Variants in WDPCP observed in about 807,000 individuals in gnomAD.
The protein encoded by WDPCP is WD repeat containing planar cell polarity effector.
Under a neutral mutation model 93.1 loss-of-function variants are expected in WDPCP, and 71 were observed. The ratio of observed to expected loss-of-function variants is 0.76; its 90% CI spans 0.63 to 0.93. The LOEUF is 0.93. Among genes scored for constraint, WDPCP ranks in the 40% least tolerant of loss-of-function variants. WDPCP has a pLI of 0.00. For missense variants in WDPCP, 844 were observed against 887.4 expected, an observed-to-expected ratio of 0.95 and a Z score of 0.62; for synonymous variants, 315 against 315.0, an observed-to-expected ratio of 1.00 and a Z score of 0.00.
intron 1 of WDPCP, among the ~76,000 whole-genome samples, chr2:63,542,299 C>T (rs182666524): frequency 5.9e-5 from 9 of 152,022 alleles, no homozygotes; most frequent in African/African-American, 1.9e-4. Flanking sequence ...CAGATTTGGA[C>T]GAGAAAGTAT....
rs1257278044 is a variant in WDPCP at position 63,575,489 on chromosome 2, A to ACAGTATATACAGTGTATGTGCT, written c.75+12707_75+12708insAGCACATACACTGTATATACTG. Among the ~76,000 whole-genome samples the ACAGTATATACAGTGTATGTGCT allele has an allele frequency of 1.2e-4, 2 of 17,288 alleles. 1 individual carries two copies. The highest frequency in any genetic ancestry group is 2.5e-4 in the Non-Finnish European group (2 of 7,858). 11.3% of individuals were successfully genotyped at this position (17,288 alleles called of 152,430 possible). On this transcript the variant is annotated intron_variant, in intron 1 of 17. Coordinates refer to ENST00000272321, the MANE Select transcript of WDPCP (RefSeq NM_015910.7). Reference sequence around the variant, plus strand: ...TATGCAGTATATACAGTGTATATATAGTATATACAGTATATACACTGTATA... The same window carrying ACAGTATATACAGTGTATGTGCT: ...TATGCAGTATATACAGTGTATATATACAGTATATACAGTGTATGTGCTGTATATACAGTATATACACTGTATA...
chr2:63,693,268 A>G (rs1194003501), intron 2 of WDPCP, among the ~76,000 whole-genome samples: 1 of 152,190 alleles, frequency 6.6e-6, no homozygotes, highest in African/African-American at 2.4e-5. Context: ...TATAGTTTAC[A>G]AAAATATGTT....
rs576578120 is a variant in WDPCP, at chr2:63,720,434, A to G, written n.309-69596T>C. Among the ~76,000 whole-genome samples, 3 of 151,818 alleles carry G rather than the reference A, an allele frequency of 2.0e-5. No homozygotes were observed. In the East Asian group the frequency reaches 5.8e-4, roughly 29 times the overall value. ...TCTACCTTAAAAAAAAAAAAAAACA[A>G]AACAAAACAACAACAACAAAAAAGT... is the stretch of plus-strand genomic sequence containing the variant. On this transcript the variant is annotated intron_variant and non_coding_transcript_variant, in intron 2 of 4. Transcript: ENST00000467687.
intron 2 of WDPCP, among the ~76,000 whole-genome samples, chr2:63,492,448 A>C (rs1700939157): frequency 6.6e-6 from 1 of 151,828 alleles, no homozygotes; most frequent in Non-Finnish European, 1.5e-5. Flanking sequence ...ATTATGAAGA[A>C]TCCCAGAAAA....
intron 2 of WDPCP, chr2:63,650,988 T>C (rs1710102276): frequency 1.3e-5 from 2 of 152,172 alleles, no homozygotes; most frequent in African/African-American, 4.8e-5. Context: ...GACTTGGATG[T>C]ACAGGGCTTT....
intron 6 of WDPCP, among the ~76,000 whole-genome samples, chr2:63,452,722 A>G (rs1698342601): frequency 6.6e-6 from 1 of 152,260 alleles, no homozygotes; most frequent in African/African-American, 2.4e-5. Flanking sequence ...CCAAAACAGT[A>G]TGGTACTGGT....
intron 1 of WDPCP, among the ~76,000 whole-genome samples, chr2:63,541,019 G>A (rs1465266133): frequency 1.3e-5 from 2 of 152,138 alleles, no homozygotes; most frequent in Non-Finnish European, 2.9e-5. Context: ...CTGGGGCCCA[G>A]GCTGGAGTGC....
intron 9 of WDPCP, among the ~76,000 whole-genome samples, chr2:63,413,653 C>G (rs1393470963): frequency 2.0e-5 from 3 of 152,016 alleles, no homozygotes; most frequent in Non-Finnish European, 2.9e-5. Flanking sequence ...AAAAAATTAG[C>G]CAGGTGTGGT....
At position 63,752,405 on chromosome 2, in the gene WDPCP, T is replaced by A. The variant is rs1206450525; in HGVS notation, n.308+61217A>T. 3.9e-6 allele frequency: 3 copies of A among 761,824 alleles called. No individual in the cohort carries two copies. The African/African-American group carries it at 5.1e-5, about 13-fold the overall frequency. The allele number at this position is 761,824 out of a possible 1,614,324, so 47.2% of individuals were successfully genotyped here. On this transcript the variant is annotated intron_variant and non_coding_transcript_variant, in intron 2 of 4. Transcript: ENST00000467687. ...TGGTTCCACAGCTTTCCCATCCACC[T>A]TGTGTGGCCTTGCATTCGTGGCTGC...
chr2:63,699,868 A>G (rs1669019152), intron 2 of WDPCP, among the ~76,000 whole-genome samples: 1 of 152,214 alleles, frequency 6.6e-6, no homozygotes, highest in African/African-American at 2.4e-5. Context: ...AGTATTATAC[A>G]AGGTCTCAAA....
At chr2:63,415,251 T>G (rs1040301245) in intron 9 of WDPCP, among the ~76,000 whole-genome samples, 1 of 152,128 alleles carries the variant, frequency 6.6e-6, no homozygotes, top group African/African-American at 2.4e-5. Flanking sequence ...TAATCCTAGC[T>G]ACTCAGGAGG....
At chr2:63,723,429 T>A (rs565018819) in intron 2 of WDPCP, among the ~76,000 whole-genome samples, 1 of 152,344 alleles carries the variant, frequency 6.6e-6, no homozygotes, top group East Asian at 1.9e-4. Context: ...CTGGTCAGAT[T>A]CTGCTATTAT....
At chr2:63,815,670 G>A (rs1670922841) in intron 1 of WDPCP, among the ~76,000 whole-genome samples, 2 of 152,154 alleles carry the variant, frequency 1.3e-5, no homozygotes. Flanking sequence ...CAGAATCTAA[G>A]GGTGGGAGGG....
Position 63,750,162 on chromosome 2 carries a change from C to T in WDPCP, n.308+63460G>A, listed in dbSNP as rs115108604. On this transcript the variant is annotated intron_variant and non_coding_transcript_variant, in intron 2 of 4. Transcript: ENST00000467687. ...GAATGGTATGTTACCTCTGGGCAATCGGTGATTGGGAGACACAGGGAGGCA... is the reference window on the plus strand; with the variant it reads ...GAATGGTATGTTACCTCTGGGCAATTGGTGATTGGGAGACACAGGGAGGCA... Among the ~76,000 whole-genome samples, 1,279 of 152,020 alleles carry T rather than the reference C, an allele frequency of 8.4e-3. 23 individuals carry two copies. The highest frequency in any genetic ancestry group is 0.03 in the African/African-American group (1,247 of 41,496).
intron 2 of WDPCP, among the ~76,000 whole-genome samples, chr2:63,691,893 TGTGTG>T (rs1668896909): frequency 1.3e-5 from 2 of 151,822 alleles, no homozygotes; most frequent in Non-Finnish European, 2.9e-5. Context: ...TGTGTGTGTG[TGTGTG>T]TGTGTGTGTG....
chr2:63,223,500 C>G lies in WDPCP; in HGVS notation c.1915+35807G>C, dbSNP rs577818313. On this transcript the variant is annotated intron_variant, in intron 14 of 17. Coordinates refer to ENST00000272321, the MANE Select transcript of WDPCP (RefSeq NM_015910.7). ...AGAAACTAAATAGTAATAATCCAGT[C>G]TGTGCTTTTCTGTGGAGCTTACAAG... Among the ~76,000 whole-genome samples the G allele has an allele frequency of 1.8e-4, 27 of 152,228 alleles. No individual in the cohort carries two copies. In the South Asian group the frequency reaches 5.6e-3, roughly 32 times the overall value.
chr2:63,493,230 G>A (rs1395653378), intron 1 of WDPCP, among the ~76,000 whole-genome samples: 1 of 152,066 alleles, frequency 6.6e-6, no homozygotes, highest in East Asian at 1.9e-4. Context: ...GTTTGGTTAA[G>A]GCTCTGAGTA....
intron 1 of WDPCP, among the ~76,000 whole-genome samples, chr2:63,574,859 T>G (rs11684973): frequency 0.19 from 29,410 of 152,112 alleles, 3,053 homozygotes; most frequent in Middle Eastern, 0.28. Context: ...TTATGTCCTG[T>G]AAAATGGAAC....
upstream of WDPCP, among the ~76,000 whole-genome samples, chr2:63,831,759 A>G (rs1265151236): frequency 6.6e-6 from 1 of 152,160 alleles, no homozygotes; most frequent in Non-Finnish European, 1.5e-5. Context: ...TAACATCAAA[A>G]CCAATCTTTT....
Sources: gnomAD v4.1 joint callset for allele counts (sites outside exome capture counted in the v4.1 genomes callset) on GRCh38, gnomAD v4.1.1 for gene constraint, MANE v1.5 for transcripts, NCBI Gene and HGNC (gene_info 2026-07-23, HGNC 2026-07-21) for gene names.